Variants in LDB3 observed in about 807,000 individuals in gnomAD.
The protein encoded by LDB3 is LIM domain binding 3.
In LDB3, 49 loss-of-function variants were observed where a neutral mutation model predicts 69.0. The observed-to-expected ratio is 0.71, with a 90% CI of 0.56 to 0.90. The LOEUF (loss-of-function observed/expected upper bound fraction) is 0.90, where lower values mean the gene tolerates loss of function less well. LDB3 is among the 40% of genes least tolerant of loss of function. LDB3 has a pLI of 0.00. For synonymous variants in LDB3, 387 were observed against 396.2 expected, an observed-to-expected ratio of 0.98 and a Z score of 0.28; for missense variants, 928 against 974.1, an observed-to-expected ratio of 0.95 and a Z score of 0.63.
chr10:86,677,180 A>C (rs1048700647), intron 2 of LDB3, among the ~76,000 whole-genome samples: 1 of 152,162 alleles, frequency 6.6e-6, no homozygotes, highest in Non-Finnish European at 1.5e-5. Context: ...CCAGGCCTGC[A>C]TGGCACTCCT....
At chr10:86,698,857 T>C (rs1846124772) in intron 7 of LDB3, among the ~76,000 whole-genome samples, 1 of 152,130 alleles carries the variant, frequency 6.6e-6, no homozygotes. Context: ...ACAGAGATCA[T>C]GCGAGGTGCA....
chr10:86,731,247 C>G (rs188474926), intron 13 of LDB3, among the ~76,000 whole-genome samples: 1 of 121,886 alleles, frequency 8.2e-6, no homozygotes, highest in African/African-American at 3.2e-5. Context: ...TTTTTTGAGA[C>G]GGAATCTCGC....
intron 7 of LDB3, among the ~76,000 whole-genome samples, chr10:86,701,865 G>A (rs1489557866): frequency 6.6e-6 from 1 of 152,196 alleles, no homozygotes; most frequent in Non-Finnish European, 1.5e-5. Flanking sequence ...GGTTAGTAGT[G>A]GTCTGCATCT....
intron 7 of LDB3, among the ~76,000 whole-genome samples, chr10:86,698,695 G>A (rs999324275): frequency 4.6e-5 from 7 of 152,208 alleles, no homozygotes; most frequent in Admixed American, 6.5e-5. Flanking sequence ...CAGGCCTGGC[G>A]AGCAGGGGTG....
Position 86,710,965 on chromosome 10 carries a change from G to A in LDB3, c.1231+915G>A, listed in dbSNP as rs181270724. Among the ~76,000 whole-genome samples, 31 of 152,354 alleles carry A rather than the reference G, an allele frequency of 2.0e-4. No individual in the cohort carries two copies. In the East Asian group the frequency reaches 5.6e-3, roughly 28 times the overall value. On this transcript the variant is annotated intron_variant, in intron 9 of 13. Coordinates refer to ENST00000361373, the MANE Select transcript of LDB3 (RefSeq NM_007078.3). ...CACCCAGCACAGCGTCTGTCACACGGGAGGTGCCCTTCTCTGTCCCTACAG... is the reference window on the plus strand; with the variant it reads ...CACCCAGCACAGCGTCTGTCACACGAGAGGTGCCCTTCTCTGTCCCTACAG...
At chr10:86,679,979 G>A in intron 3 of LDB3, 103 bp from the exon 4 acceptor site, 1 of 1,016,218 alleles carries the variant, frequency 9.8e-7, no homozygotes, top group Non-Finnish European at 1.6e-6. Context: ...TCTGAGAGCT[G>A]ACTCTGGCTC....
At chr10:86,731,012 G>A (rs1847435733) in intron 13 of LDB3, among the ~76,000 whole-genome samples, 1 of 151,692 alleles carries the variant, frequency 6.6e-6, no homozygotes, top group African/African-American at 2.4e-5. Context: ...AAAATTAGCT[G>A]AGTATGGTGG....
chr10:86,698,664 C>T (rs1178573120), intron 7 of LDB3, among the ~76,000 whole-genome samples: 1 of 152,180 alleles, frequency 6.6e-6, no homozygotes, highest in South Asian at 2.1e-4. Flanking sequence ...TGGGTATGCA[C>T]GCATGTGCCC....
At chr10:86,685,039 C>A (rs1027526321) in intron 5 of LDB3, among the ~76,000 whole-genome samples, 2 of 152,202 alleles carry the variant, frequency 1.3e-5, no homozygotes, top group African/African-American at 4.8e-5. Context: ...GCCCAAGGGG[C>A]CTTTAGGAGT....
intron 12 of LDB3, among the ~76,000 whole-genome samples, chr10:86,720,546 C>T (rs1258129869): frequency 6.9e-6 from 1 of 144,986 alleles, no homozygotes; most frequent in Non-Finnish European, 1.5e-5. Context: ...AAGTCACTTA[C>T]TCTGTGCCTC....
intron 13 of LDB3, among the ~76,000 whole-genome samples, chr10:86,726,695 A>T (rs999374283): frequency 6.6e-6 from 1 of 152,228 alleles, no homozygotes; most frequent in African/African-American, 2.4e-5. Context: ...TCCTATGAAA[A>T]GCTGAGATAG....
At chr10:86,680,006 C>T in intron 3 of LDB3, 76 bp from the exon 4 acceptor site, 1 of 1,324,580 alleles carries the variant, frequency 7.5e-7, no homozygotes, top group Non-Finnish European at 1.1e-6. Context: ...GCTCTCTCCT[C>T]ACCAGCCCTG....
chr10:86,703,729 T>C (rs1462762768), intron 7 of LDB3, among the ~76,000 whole-genome samples: 1 of 152,216 alleles, frequency 6.6e-6, no homozygotes, highest in African/African-American at 2.4e-5. Context: ...CTTGCATTCC[T>C]ATCTAGGGCA....
Position 86,706,652 on chromosome 10 carries a change from G to C in LDB3, c.1018G>C (p.Ala340Pro), listed in dbSNP as rs755329877. The C allele has an allele frequency of 1.6e-5, 26 of 1,613,022 alleles. No individual in the cohort carries two copies. Among genetic ancestry groups the C allele is most frequent in the Non-Finnish European group, 1.9e-5 (22 of 1,179,918 alleles). Reference protein sequence around the residue: ...SAASPPLATAAAHTAIASAST... With the variant: ...SAASPPLATAPAHTAIASAST... ...GGCTTCGCCACCCCTGGCCACAGCT[G>C]CTGCCCACACTGCCATCGCCTCCGC... The change falls in exon 8 of 14, where the codon GCT (alanine) becomes CCT (proline). Residue 340 changes from alanine to proline, a missense_variant. Coordinates refer to ENST00000361373, the MANE Select transcript of LDB3 (RefSeq NM_007078.3).
intron 7 of LDB3, among the ~76,000 whole-genome samples, chr10:86,696,211 G>GC (rs1260931736): frequency 6.7e-4 from 101 of 150,838 alleles, no homozygotes; most frequent in African/African-American, 2.1e-3. Context: ...TCTCAGTTTT[G>GC]CCCCCCCTGC....
intron 2 of LDB3, among the ~76,000 whole-genome samples, chr10:86,669,093 T>C (rs1441045438): frequency 6.6e-6 from 1 of 152,250 alleles, no homozygotes; most frequent in Non-Finnish European, 1.5e-5. Flanking sequence ...AGCACCTTCC[T>C]GATCCCTTTA....
chr10:86,716,637 GC>G lies in LDB3; in HGVS notation c.1546del (p.Arg516GlyfsTer49). ...CCACCTCCATCAGCAAGCAGACCCT[GC>G]CCCGGGGAGGCCCAGCCTACACCCC... The part of the protein sequence containing the change: ...STTSISKQTL[P>X]RGGPAYTPAG... On this transcript the variant is annotated frameshift_variant, in exon 10 of 14. Coordinates refer to ENST00000361373, the MANE Select transcript of LDB3 (RefSeq NM_007078.3). LOFTEE classifies it high-confidence loss of function. 1 of 1,613,700 alleles carries G rather than the reference GC, an allele frequency of 6.2e-7. No individual in the cohort carries two copies. Among genetic ancestry groups the G allele is most frequent in the African/African-American group, 1.3e-5 (1 of 74,882 alleles).
intron 2 of LDB3, among the ~76,000 whole-genome samples, chr10:86,672,682 G>A (rs534509340): frequency 6.6e-6 from 1 of 152,362 alleles, no homozygotes; most frequent in South Asian, 2.1e-4. Context: ...CTCACAGCTG[G>A]GGAATGCATT....
At chr10:86,721,584 C>T (rs1397368602) in intron 12 of LDB3, among the ~76,000 whole-genome samples, 1 of 152,214 alleles carries the variant, frequency 6.6e-6, no homozygotes, top group African/African-American at 2.4e-5. Flanking sequence ...ACAGAAGCAG[C>T]ATTTCGTAGG....
Sources: allele counts gnomAD v4.1 joint callset (sites outside exome capture counted in the v4.1 genomes callset), GRCh38; gene constraint gnomAD v4.1.1; transcripts MANE v1.5; gene names NCBI Gene and HGNC (gene_info 2026-07-23, HGNC 2026-07-21).